The following ARHGEF18 variants were observed in gnomAD, a reference collection of about 807,000 sequenced individuals.
ARHGEF18 encodes Rho/Rac guanine nucleotide exchange factor 18.
A neutral mutation model predicts 155.7 loss-of-function variants in ARHGEF18; 93 were observed. The ratio of observed to expected loss-of-function variants is 0.60; its 90% confidence interval spans 0.50 to 0.71. The LOEUF (loss-of-function observed/expected upper bound fraction) is 0.71. Ranked by LOEUF, ARHGEF18 falls within the 30% of genes least tolerant of loss-of-function variation. ARHGEF18 has a pLI of 0.00. For synonymous variants in ARHGEF18, 742 were observed against 753.1 expected, an observed-to-expected ratio of 0.99 and a Z score of 0.24; for missense variants, 1,593 against 1,816.1, an observed-to-expected ratio of 0.88 and a Z score of 2.23.
chr19:7,468,712 G>A, intron 26 of ARHGEF18, 113 bp from the exon 27 acceptor site: 1 of 1,194,568 alleles, frequency 8.4e-7, no homozygotes, highest in Non-Finnish European at 1.2e-6. Context: ...GCTGCACCTG[G>A]CTCTGTCCAG....
At chr19:7,449,539 C>T (rs1001925508) in intron 15 of ARHGEF18, among the ~76,000 whole-genome samples, 4 of 152,132 alleles carry the variant, frequency 2.6e-5, no homozygotes, top group Non-Finnish European at 5.9e-5. Context: ...CACCCAGGGA[C>T]CCATTCAAAA....
intron 10 of ARHGEF18, among the ~76,000 whole-genome samples, chr19:7,409,764 C>CT (rs869135148): frequency 4.1e-4 from 27 of 66,538 alleles, no homozygotes; most frequent in South Asian, 7.0e-4. Context: ...TTCTTTCTTT[C>CT]TTTCTTTTTT....
At chr19:7,476,255 G>A (rs1159045230), downstream of ARHGEF18, among the ~76,000 whole-genome samples, 1 of 152,238 alleles carries the variant, frequency 6.6e-6, no homozygotes, top group African/African-American at 2.4e-5. Context: ...AGGCTGCAGT[G>A]AGGCTATGAT....
intron 10 of ARHGEF18, among the ~76,000 whole-genome samples, chr19:7,421,357 T>C (rs1278819048): frequency 6.6e-6 from 1 of 152,200 alleles, no homozygotes; most frequent in African/African-American, 2.4e-5. Context: ...AAATACAGTG[T>C]TCTCAGGATG....
chr19:7,395,932 A>C lies in ARHGEF18; in HGVS notation c.967+12729A>C, dbSNP rs1231878327. On this transcript the variant is annotated intron_variant, in intron 10 of 28. Coordinates refer to ENST00000668164, the MANE Select transcript of ARHGEF18 (RefSeq NM_001367823.1). This position sits in a 1 kb window ranked among gnomAD's most constrained non-coding sequence, Gnocchi z 5.0. ...GCGTGATGCTGAGGTTTGGGGTGTGACTGATCTCGTCACCCAGGTACTGAG... is the reference window on the plus strand; with the variant it reads ...GCGTGATGCTGAGGTTTGGGGTGTGCCTGATCTCGTCACCCAGGTACTGAG... Among the ~76,000 whole-genome samples the C allele has an allele frequency of 6.6e-6, 1 of 151,734 alleles. No homozygotes were observed. Among genetic ancestry groups the C allele is most frequent in the African/African-American group, 2.4e-5 (1 of 41,370 alleles).
At chr19:7,479,701 C>T in the ARHGEF18 span, among the ~76,000 whole-genome samples, 3 of 152,102 alleles carry the variant, frequency 2.0e-5, no homozygotes, top group African/African-American at 7.2e-5. Context: ...GCGGGGCACA[C>T]AGGACTTCGA....
At chr19:7,469,296 G>C (rs1260678626) in intron 27 of ARHGEF18, among the ~76,000 whole-genome samples, 165 bp downstream of exon 27, 1 of 152,244 alleles carries the variant, frequency 6.6e-6, no homozygotes, top group Non-Finnish European at 1.5e-5. Flanking sequence ...ACAGGGCCGT[G>C]TTTGGTCTCC....
chr19:7,437,486 T>C (rs573782348), intron 10 of ARHGEF18, among the ~76,000 whole-genome samples: 3 of 150,766 alleles, frequency 2.0e-5, no homozygotes, highest in Non-Finnish European at 4.4e-5. Context: ...CTGCTGCGAG[T>C]ACGTTTTCCC....
intron 3 of ARHGEF18, among the ~76,000 whole-genome samples, chr19:7,373,888 T>C (rs1970319671): frequency 6.8e-6 from 1 of 147,940 alleles, no homozygotes; most frequent in Admixed American, 6.7e-5. Flanking sequence ...TCTCACTCTG[T>C]TGCCCAGGCT....
chr19:7,458,436 C>A, intron 18 of ARHGEF18, 76 bp from the exon 19 acceptor site: 1 of 1,432,314 alleles, frequency 7.0e-7, no homozygotes, highest in East Asian at 2.3e-5. Context: ...GTTCCCCTCA[C>A]CAGGCCCTTG....
In ARHGEF18 at chr19:7,453,724, C is replaced by G. The variant is rs182387307; in HGVS notation, c.2104+9C>G. 5.7e-5 allele frequency: 87 copies of G among 1,534,518 alleles called. No individual in the cohort carries two copies. The African/African-American group carries it at 1.0e-3, about 18-fold the overall frequency. The stretch of plus-strand genomic sequence containing the variant: ...ATCAGGGCGCTTGAAAGGTAAAGGC[C>G]TGCCCCTGCCCACCTCTAGTGGGTG... On this transcript the variant is annotated intron_variant, in intron 17 of 28. Coordinates refer to ENST00000668164, the MANE Select transcript of ARHGEF18 (RefSeq NM_001367823.1).
chr19:7,380,818 G>A lies in ARHGEF18; in HGVS notation c.645-99G>A, dbSNP rs1970698886. 1.9e-5 allele frequency: 14 copies of A among 723,180 alleles called. No individual in the cohort carries two copies. The East Asian group carries it at 4.8e-4, about 25-fold the overall frequency. 44.8% of individuals were successfully genotyped at this position (723,180 alleles called of 1,614,324 possible). A position where few individuals can be genotyped will look rare whatever the true frequency, so the allele number is the denominator to read the frequency against. ...AGTGTCAAGGACAGGTGGGCTCTTAGACGGGGTACCTGGTGTATGCCTGTA... is the reference window on the plus strand; with the variant it reads ...AGTGTCAAGGACAGGTGGGCTCTTAAACGGGGTACCTGGTGTATGCCTGTA... On this transcript the variant is annotated intron_variant, in intron 7 of 28. Coordinates refer to ENST00000668164, the MANE Select transcript of ARHGEF18 (RefSeq NM_001367823.1).
chr19:7,378,268 A>G, intron 5 of ARHGEF18, 126 bp from the exon 6 acceptor site: 1 of 589,534 alleles, frequency 1.7e-6, no homozygotes, highest in Non-Finnish European at 2.5e-6. Flanking sequence ...CTGAGAGTAC[A>G]GGCCCTGTCT....
chr19:7,397,437 T>A (rs1401405948), intron 10 of ARHGEF18, among the ~76,000 whole-genome samples: 2 of 151,864 alleles, frequency 1.3e-5, no homozygotes, highest in East Asian at 1.9e-4. Flanking sequence ...GGCTAATTTT[T>A]AAAAATTTTT....
At position 7,451,269 on chromosome 19, in the gene ARHGEF18, A is replaced by C; in HGVS notation, c.1855+3A>C. 6.2e-7 allele frequency: 1 copy of C among 1,613,340 alleles called. No homozygotes were observed. Among genetic ancestry groups the C allele is most frequent in the Non-Finnish European group, 8.5e-7 (1 of 1,179,778 alleles). ...GCGCATCATCCAGAACACGGAAGGTAGGCCTTCTCCCCACTGCCCCGCCCG... is the reference window on the plus strand; with the variant it reads ...GCGCATCATCCAGAACACGGAAGGTCGGCCTTCTCCCCACTGCCCCGCCCG... On this transcript the variant is annotated splice_donor_region_variant and intron_variant, in intron 16 of 28. Transcript: ENST00000668164.
At chr19:7,351,700 CTCTCTTTTTT>C (rs1969162253) in intron 1 of ARHGEF18, among the ~76,000 whole-genome samples, 1 of 62,766 alleles carries the variant, frequency 1.6e-5, no homozygotes, top group African/African-American at 6.4e-5. Flanking sequence ...CTCTCTCTCT[CTCTCTTTTTT>C]TTTTTTTTTT....
intron 1 of ARHGEF18, chr19:7,355,550 C>T (rs1969266645): frequency 1.1e-6 from 1 of 921,300 alleles, no homozygotes; most frequent in Admixed American, 6.2e-5. Flanking sequence ...GTCTCCGCCC[C>T]TCTTACTGGC....
intron 10 of ARHGEF18, among the ~76,000 whole-genome samples, chr19:7,388,498 T>G (rs959876720): frequency 2.0e-5 from 3 of 152,098 alleles, no homozygotes; most frequent in Non-Finnish European, 4.4e-5. Flanking sequence ...AGAAGTTAAG[T>G]TTTTGCTCAA....
Position 7,368,007 on chromosome 19 carries a change from G to GGA in ARHGEF18, c.16-4805_16-4804insGA, listed in dbSNP as rs1568270664. On this transcript the variant is annotated intron_variant, in intron 2 of 28. Coordinates refer to ENST00000668164, the MANE Select transcript of ARHGEF18 (RefSeq NM_001367823.1). ...AGAGAGAGAGAGAGAGAGAGGGAGG[G>GGA]AGGGAGGGAGGGCGGAAGGAAGGAA... 6.9e-4 allele frequency among the ~76,000 whole-genome samples: 62 copies of GGA among 89,246 alleles called. 1 individual carries two copies. Among genetic ancestry groups the GGA allele is most frequent in the African/African-American group, 2.6e-3 (60 of 22,798 alleles). The allele number at this position is 89,246 out of a possible 152,430, so 58.5% of individuals were successfully genotyped here. A position where few individuals can be genotyped will look rare whatever the true frequency, so the allele number is the denominator to read the frequency against.
Sources: gnomAD v4.1 joint callset for allele counts (sites outside exome capture counted in the v4.1 genomes callset) on GRCh38, gnomAD v4.1.1 for gene constraint, Gnocchi (gnomAD v3.1) non-coding constraint, MANE v1.5 for transcripts, NCBI Gene and HGNC (gene_info 2026-07-23, HGNC 2026-07-21) for gene names.